The following PJA2 variants were observed in gnomAD, a reference collection of about 807,000 sequenced individuals.
PJA2 encodes E3 ubiquitin-protein ligase Praja-2.
Under a neutral mutation model 69.3 loss-of-function variants are expected in PJA2, and 25 were observed. That is an observed-to-expected ratio of 0.36 (90% CI 0.26 to 0.50). PJA2 has a LOEUF of 0.50. Among genes scored for constraint, PJA2 ranks in the 20% least tolerant of loss-of-function variants. The pLI is 0.96. For missense variants in PJA2, 809 were observed against 830.2 expected, an observed-to-expected ratio of 0.97 and a Z score of 0.31; for synonymous variants, 308 against 277.8, an observed-to-expected ratio of 1.11 and a Z score of -1.08.
chr5:109,340,615 G>T (rs1400169704), intron 9 of PJA2, among the ~76,000 whole-genome samples: 1 of 54,478 alleles, frequency 1.8e-5, no homozygotes, highest in Non-Finnish European at 3.1e-5. Context: ...AGATTTATTG[G>T]GTCCCTCCCC....
intron 9 of PJA2, among the ~76,000 whole-genome samples, chr5:109,341,278 G>A (rs1234066677): frequency 1.5e-4 from 22 of 147,960 alleles, no homozygotes; most frequent in Non-Finnish European, 2.4e-4. Context: ...TGTGGGGAGC[G>A]CCTCTGCCCC....
chr5:109,400,206 G>C (rs1747508023), intron 1 of PJA2, among the ~76,000 whole-genome samples: 1 of 151,540 alleles, frequency 6.6e-6, no homozygotes, highest in Admixed American at 6.6e-5. Flanking sequence ...ACGGAGAATC[G>C]CTTGAAGTCG....
chr5:109,381,108 C>T (rs1012972159), intron 3 of PJA2, among the ~76,000 whole-genome samples: 3 of 144,964 alleles, frequency 2.1e-5, no homozygotes, highest in African/African-American at 5.1e-5. Context: ...AACGTGACTC[C>T]ATCTCAAAAA....
At chr5:109,376,256 TA>T (rs10612724) in intron 4 of PJA2, among the ~76,000 whole-genome samples, 83,201 of 132,160 alleles carry the variant, frequency 0.63, 28,909 homozygotes, top group South Asian at 0.87. Context: ...ATATTGTTTG[TA>T]AAAAAAAAAA....
chr5:109,342,534 G>GC (rs1762091687), intron 9 of PJA2, among the ~76,000 whole-genome samples: 1 of 102,702 alleles, frequency 9.7e-6, no homozygotes. Context: ...GGGGGGGTCA[G>GC]CTCCCCCACC....
At chr5:109,401,392 C>CA (rs1747542658) in intron 1 of PJA2, among the ~76,000 whole-genome samples, 1 of 151,818 alleles carries the variant, frequency 6.6e-6, no homozygotes, top group African/African-American at 2.4e-5. Context: ...TCTAGAAGCT[C>CA]AAGGCTATAG....
intron 4 of PJA2, among the ~76,000 whole-genome samples, chr5:109,371,975 T>C (rs1286409697): frequency 2.0e-5 from 3 of 152,206 alleles, no homozygotes; most frequent in African/African-American, 7.2e-5. Context: ...TTAATATATA[T>C]AAAACATTTT....
intron 2 of PJA2, among the ~76,000 whole-genome samples, chr5:109,382,643 T>C (rs759282351): frequency 1.1e-4 from 16 of 151,070 alleles, no homozygotes; most frequent in Non-Finnish European, 1.9e-4. Context: ...AGGCCAGGAG[T>C]TCGAGATCAG....
At chr5:109,400,852 G>A (rs1405240140) in intron 1 of PJA2, among the ~76,000 whole-genome samples, 2 of 152,006 alleles carry the variant, frequency 1.3e-5, no homozygotes, top group East Asian at 3.9e-4. Context: ...GCATGGTTGC[G>A]GGTGCCTGTA....
chr5:109,386,254 A>C (rs747905458), intron 1 of PJA2, among the ~76,000 whole-genome samples: 23 of 152,230 alleles, frequency 1.5e-4, no homozygotes, highest in Non-Finnish European at 2.6e-4. Context: ...TGTGAACACC[A>C]AGTGAAGAAA....
chr5:109,376,555 A>T (rs1386874386), intron 4 of PJA2, among the ~76,000 whole-genome samples: 1 of 151,994 alleles, frequency 6.6e-6, no homozygotes, highest in African/African-American at 2.4e-5. Flanking sequence ...AGCAGAAGAG[A>T]AGTATTTATT....
At chr5:109,363,180 TA>T (rs145091847) in intron 5 of PJA2, among the ~76,000 whole-genome samples, 158 bp from the exon 6 acceptor site, 4,640 of 152,232 alleles carry the variant, frequency 0.03, 93 homozygotes, top group Middle Eastern at 0.048. Flanking sequence ...CAGAATTATG[TA>T]AAAAAAGGAA....
chr5:109,341,548 T>TTG (rs1762058112), intron 9 of PJA2, among the ~76,000 whole-genome samples: 4 of 51,450 alleles, frequency 7.8e-5, no homozygotes, highest in African/African-American at 2.0e-4. Flanking sequence ...GGGAGGGAGG[T>TTG]GGGGGGGGGT....
chr5:109,354,175 T>C (rs1328493548), intron 7 of PJA2, among the ~76,000 whole-genome samples: 1 of 143,186 alleles, frequency 7.0e-6, no homozygotes, highest in African/African-American at 2.6e-5. Context: ...GAGATGTCTA[T>C]AGATTAGATA....
chr5:109,400,198 G>A (rs900966751), intron 1 of PJA2, among the ~76,000 whole-genome samples: 4 of 151,802 alleles, frequency 2.6e-5, no homozygotes, highest in East Asian at 1.9e-4. Context: ...GCTGAGGTAC[G>A]GAGAATCGCT....
chr5:109,348,943 T>A (rs1233984539), intron 7 of PJA2, among the ~76,000 whole-genome samples: 1 of 152,232 alleles, frequency 6.6e-6, no homozygotes, highest in East Asian at 1.9e-4. Context: ...TATTTCAATA[T>A]GCCAGTTGTT....
chr5:109,367,436 G>C (rs907951457), intron 5 of PJA2, among the ~76,000 whole-genome samples: 5 of 151,076 alleles, frequency 3.3e-5, no homozygotes. Context: ...ATGAGACTAA[G>C]AATTAGAACC....
intron 1 of PJA2, among the ~76,000 whole-genome samples, chr5:109,391,165 A>C (rs1015869720): frequency 6.6e-6 from 1 of 152,174 alleles, no homozygotes; most frequent in South Asian, 2.1e-4. Context: ...GTCCCCAAAA[A>C]ATGAAAGAAA....
chr5:109,376,163 T>C (rs1158925211), intron 4 of PJA2, among the ~76,000 whole-genome samples: 1 of 151,626 alleles, frequency 6.6e-6, no homozygotes, highest in Non-Finnish European at 1.5e-5. Context: ...TGGCATACCC[T>C]AACCACAGGC....
Sources: gnomAD v4.1 joint callset for allele counts (sites outside exome capture counted in the v4.1 genomes callset) on GRCh38, gnomAD v4.1.1 for gene constraint, MANE v1.5 for transcripts, NCBI Gene and HGNC (gene_info 2026-07-23, HGNC 2026-07-21) for gene names.